Variants in MELTF observed in about 807,000 individuals in gnomAD.
The protein encoded by MELTF is antigen p97 (melanoma associated) identified by monoclonal antibodies 133.2 and 96.5.
A neutral mutation model predicts 83.7 loss-of-function variants in MELTF; 67 were observed. That is an observed-to-expected ratio of 0.80 (90% CI 0.66 to 0.98). The LOEUF (loss-of-function observed/expected upper bound fraction) is 0.98. MELTF is among the 50% of genes least tolerant of loss of function. MELTF has a pLI of 0.00. For missense variants in MELTF, 1,002 were observed against 1,035.6 expected (o/e 0.97, Z 0.44); for synonymous variants, 462 against 447.6 (o/e 1.03, Z -0.41).
chr3:197,026,819 G>A (rs1249318686), intron 2 of MELTF, 60 bp from the exon 3 acceptor site: 52 of 1,502,508 alleles, frequency 3.5e-5, no homozygotes, highest in Middle Eastern at 1.7e-4. Context: ...CAAAGAACTC[G>A]GGACACCTAC....
At chr3:197,010,199 C>T (rs1719138416) in intron 10 of MELTF, among the ~76,000 whole-genome samples, 1 of 152,328 alleles carries the variant, frequency 6.6e-6, no homozygotes, top group South Asian at 2.1e-4. Flanking sequence ...GTGGAAGGGA[C>T]CCAGGCCTCT....
rs369101897 is a variant in MELTF at position 197,015,521 on chromosome 3, G to A, written c.1082-5C>T. On this transcript the variant is annotated splice_region_variant and splice_polypyrimidine_tract_variant and intron_variant, in intron 8 of 15. Transcript: ENST00000296350. ...AGCGCAGGTAGGGGGGCAGCCCTGG[G>A]GTGGGGCAAGCAAGCGGTCACTGCC... 169 of 1,608,138 alleles carry A rather than the reference G, an allele frequency of 1.1e-4. No individual in the cohort carries two copies. The highest frequency in any genetic ancestry group is 1.4e-4 in the Non-Finnish European group (164 of 1,176,838).
Position 197,009,832 on chromosome 3 carries a change from C to A in MELTF, c.1331-20G>T. ...CTTCCGCTGGGGAGAGAGGGACTCA[C>A]GTGAGGGGCCCCTCATCTGAGAGCC... On this transcript the variant is annotated intron_variant, in intron 10 of 15. Coordinates refer to ENST00000296350, the MANE Select transcript of MELTF (RefSeq NM_005929.6). The A allele has an allele frequency of 6.3e-7, 1 of 1,599,054 alleles. No homozygotes were observed. The highest frequency in any genetic ancestry group is 8.6e-7 in the Non-Finnish European group (1 of 1,168,764).
At position 197,024,613 on chromosome 3, in the gene MELTF, C is replaced by T. The variant is rs1719779227; in HGVS notation, c.305-128G>A. ...GCACGGCTGTACACACGGATGTGTG[C>T]ATAGCGTTCTCGTTACCAAGAGAGC... On this transcript the variant is annotated intron_variant, in intron 3 of 15. Transcript: ENST00000296350. The surrounding 1 kb of genome is among the most constrained non-coding windows in gnomAD (Gnocchi z 5.3). The T allele has an allele frequency of 3.0e-6, 2 of 663,396 alleles. No individual in the cohort carries two copies. The highest frequency in any genetic ancestry group is 6.4e-5 in the East Asian group (2 of 31,398). 41.1% of individuals were successfully genotyped at this position (663,396 alleles called of 1,614,324 possible).
chr3:197,015,877 C>G (rs755500157), intron 8 of MELTF, among the ~76,000 whole-genome samples: 1 of 152,088 alleles, frequency 6.6e-6, no homozygotes, highest in Non-Finnish European at 1.5e-5. Flanking sequence ...GGAGTAGGAG[C>G]GAGAGGCTGT....
At chr3:197,014,001 C>G (rs779201170) in intron 9 of MELTF, among the ~76,000 whole-genome samples, 1 of 152,194 alleles carries the variant, frequency 6.6e-6, no homozygotes, top group Non-Finnish European at 1.5e-5. Flanking sequence ...GTAATCCCAC[C>G]ACTGGGAATC....
At chr3:197,019,625 T>C (rs766882302) in intron 6 of MELTF, 1 of 1,609,488 alleles carries the variant, frequency 6.2e-7, no homozygotes. Context: ...ATATCCCTAC[T>C]CTTTGCCCGT....
chr3:197,016,268 G>A lies in MELTF; in HGVS notation c.1002C>T (p.Pro334=), dbSNP rs1195657189. ...ACGCCTCATAGGTCTGTGTGGCGATGGGCACAAGCTCCGAGGTAGAGTCTT... is the reference window on the plus strand; with the variant it reads ...ACGCCTCATAGGTCTGTGTGGCGATAGGCACAAGCTCCGAGGTAGAGTCTT... ...LFKDSTSELV[P]IATQTYEAWL... The change falls in exon 8 of 16, where the codon CCC becomes CCT. Residue 334 remains proline, a synonymous_variant. Transcript: ENST00000296350. 1.2e-6 allele frequency: 2 copies of A among 1,613,106 alleles called. No homozygotes were observed. The highest frequency in any genetic ancestry group is 8.5e-7 in the Non-Finnish European group (1 of 1,179,438).
chr3:197,010,783 G>C lies in MELTF; in HGVS notation c.1245C>G (p.Val415=). The part of the protein sequence containing the change: ...HCMERIQAEQ[V]DAVTLSGEDI... ...CCTCGCCACTCAGGGTCACAGCGTCGACCTGCTCAGCCTGAAGGGAATAGA... is the reference window on the plus strand; with the variant it reads ...CCTCGCCACTCAGGGTCACAGCGTCCACCTGCTCAGCCTGAAGGGAATAGA... Residue 415 remains valine, a synonymous_variant, in exon 10 of 16, where the codon GTC becomes GTG. Coordinates refer to ENST00000296350, the MANE Select transcript of MELTF (RefSeq NM_005929.6). 1 of 1,613,456 alleles carries C rather than the reference G, an allele frequency of 6.2e-7. No homozygotes were observed. Among genetic ancestry groups the C allele is most frequent in the Non-Finnish European group, 8.5e-7 (1 of 1,180,010 alleles).
In MELTF at chr3:197,029,721, T is replaced by C; in HGVS notation, c.-19A>G. 3.2e-6 allele frequency: 4 copies of C among 1,234,192 alleles called. No homozygotes were observed. Among genetic ancestry groups the C allele is most frequent in the Non-Finnish European group, 4.0e-6 (4 of 989,216 alleles). The allele number at this position is 1,234,192 out of a possible 1,614,324, so 76.5% of individuals were successfully genotyped here. A position where few individuals can be genotyped will look rare whatever the true frequency, so the allele number is the denominator to read the frequency against. ...CCCGCATGGCGCCGTCGGGGCTGGCTGGGGCCGGGCTGGGGCTGGGTCCGG... is the reference window on the plus strand; with the variant it reads ...CCCGCATGGCGCCGTCGGGGCTGGCCGGGGCCGGGCTGGGGCTGGGTCCGG... On this transcript the variant is annotated 5_prime_UTR_variant, in exon 1 of 16. Coordinates refer to ENST00000296350, the MANE Select transcript of MELTF (RefSeq NM_005929.6). The surrounding 1 kb of genome is among the most constrained non-coding windows in gnomAD (Gnocchi z 6.5).
chr3:197,006,686 G>A lies in MELTF; in HGVS notation c.1801C>T (p.Leu601=), dbSNP rs1214626521. The change falls in exon 14 of 16, where the codon CTG becomes TTG. Residue 601 remains leucine, a synonymous_variant. Transcript: ENST00000296350. This position sits in a 1 kb window ranked among gnomAD's most constrained non-coding sequence, Gnocchi z 5.4. ...AAELRSEDYE[L]LCPNGARAEV... ...GCTCGGGCCCCGTTGGGGCACAGCA[G>A]TTCATAGTCCTCTGACCTGAGCTCA... The A allele has an allele frequency of 1.3e-6, 2 of 1,584,778 alleles. No individual in the cohort carries two copies. Among genetic ancestry groups the A allele is most frequent in the African/African-American group, 2.7e-5 (2 of 74,340 alleles).
rs992584991 is a variant in MELTF, at chr3:197,008,448, C to T, written c.1750+209G>A. On this transcript the variant is annotated intron_variant, in intron 13 of 15. Coordinates refer to ENST00000296350, the MANE Select transcript of MELTF (RefSeq NM_005929.6). The surrounding 1 kb of genome is among the most constrained non-coding windows in gnomAD (Gnocchi z 5.4). Reference sequence around the variant, plus strand: ...TGAATTCCAGGCCAGTAAAAACCGTCATGTATCCAGCACCCCTGGATGTGT... The same window carrying T: ...TGAATTCCAGGCCAGTAAAAACCGTTATGTATCCAGCACCCCTGGATGTGT... Among the ~76,000 whole-genome samples the T allele has an allele frequency of 6.6e-6, 1 of 152,190 alleles. No homozygotes were observed. The highest frequency in any genetic ancestry group is 1.5e-5 in the Non-Finnish European group (1 of 68,034).
intron 11 of MELTF, 82 bp downstream of exon 11, chr3:197,009,536 T>G: frequency 7.1e-7 from 1 of 1,401,528 alleles, no homozygotes; most frequent in Non-Finnish European, 9.8e-7. Flanking sequence ...TCCAACAAGG[T>G]CCTCTCCCCA....
intron 14 of MELTF, among the ~76,000 whole-genome samples, chr3:197,005,184 AT>A (rs1718932947): frequency 6.6e-6 from 1 of 152,212 alleles, no homozygotes; most frequent in Non-Finnish European, 1.5e-5. Flanking sequence ...TTCTAGGTAT[AT>A]TTTGAAAGCA....
Position 197,029,608 on chromosome 3 carries a change from G to T in MELTF, c.49+46C>A. On this transcript the variant is annotated intron_variant, in intron 1 of 15. Transcript: ENST00000296350. This position sits in a 1 kb window ranked among gnomAD's most constrained non-coding sequence, Gnocchi z 6.5. The stretch of plus-strand genomic sequence containing the variant: ...GGGACCTGCTCAGCCGGGCCGCGGC[G>T]CCCCGGGACCCCCGCCCGCCTTTGG... The T allele has an allele frequency of 2.4e-6, 3 of 1,234,870 alleles. No individual in the cohort carries two copies. Among genetic ancestry groups the T allele is most frequent in the South Asian group, 3.7e-5 (1 of 27,118 alleles). 76.5% of individuals were successfully genotyped at this position (1,234,870 alleles called of 1,614,324 possible). A position where few individuals can be genotyped will look rare whatever the true frequency, so the allele number is the denominator to read the frequency against.
In MELTF at chr3:197,017,306, C is replaced by G. The variant is rs999160939; in HGVS notation, c.713-16G>C. On this transcript the variant is annotated splice_polypyrimidine_tract_variant and intron_variant, in intron 6 of 15. Transcript: ENST00000296350. ...AGCGTCTTCCCTGGGAAGCAGGAAG[C>G]CTGGGCTGAGCCAGCTCCGAAAGGG... 6.6e-6 allele frequency: 10 copies of G among 1,515,974 alleles called. No homozygotes were observed. The highest frequency in any genetic ancestry group is 8.9e-6 in the Non-Finnish European group (10 of 1,128,474). The allele number at this position is 1,515,974 out of a possible 1,614,324, so 93.9% of individuals were successfully genotyped here. A position where few individuals can be genotyped will look rare whatever the true frequency, so the allele number is the denominator to read the frequency against.
In MELTF at chr3:197,009,695, G is replaced by C; in HGVS notation, c.1448C>G (p.Pro483Arg). 6.2e-7 allele frequency: 1 copy of C among 1,613,818 alleles called. No homozygotes were observed. Among genetic ancestry groups the C allele is most frequent in the Non-Finnish European group, 8.5e-7 (1 of 1,180,032 alleles). The change falls in exon 11 of 16, where the codon CCT (proline) becomes CGT (arginine). Residue 483 changes from proline to arginine, a missense_variant. Coordinates refer to ENST00000296350, the MANE Select transcript of MELTF (RefSeq NM_005929.6). ...KRSCHAGFGSPAGWDVPVGAL... is the reference protein window; with the variant it reads ...KRSCHAGFGSRAGWDVPVGAL... ...ACCCACGGGGACATCCCAGCCTGCA[G>C]GGCTGCCGAAACCGGCGTGGCAGGA... is the stretch of plus-strand genomic sequence containing the variant.
At chr3:197,018,323 A>AT (rs200599925) in intron 6 of MELTF, among the ~76,000 whole-genome samples, 64 of 149,046 alleles carry the variant, frequency 4.3e-4, no homozygotes, top group Middle Eastern at 3.4e-3. Context: ...AATTTTTTGT[A>AT]TTTTTTTTTA....
chr3:197,021,577 G>T, intron 5 of MELTF, 106 bp from the exon 6 acceptor site: 2 of 1,007,450 alleles, frequency 2.0e-6, no homozygotes, highest in Non-Finnish European at 3.0e-6. Flanking sequence ...TGATGGGCAT[G>T]GGCTTTCCAG....
Sources: gnomAD v4.1 joint callset for allele counts (sites outside exome capture counted in the v4.1 genomes callset) on GRCh38, gnomAD v4.1.1 for gene constraint, Gnocchi (gnomAD v3.1) non-coding constraint, MANE v1.5 for transcripts, NCBI Gene and HGNC (gene_info 2026-07-23, HGNC 2026-07-21) for gene names.